The following LAMA2 variants were observed in gnomAD, a reference collection of about 807,000 sequenced individuals.
The protein encoded by LAMA2 is laminin subunit alpha-2.
Under a neutral mutation model 364.8 loss-of-function variants are expected in LAMA2, and 269 were observed. The observed-to-expected ratio is 0.74, with a 90% CI of 0.67 to 0.82. The LOEUF (loss-of-function observed/expected upper bound fraction) is 0.82, where lower values mean the gene tolerates loss of function less well. Among genes scored for constraint, LAMA2 ranks in the 40% least tolerant of loss-of-function variants. The pLI is 0.00. For missense variants in LAMA2, 3,807 were observed against 3,873.2 expected, an observed-to-expected ratio of 0.98 and a Z score of 0.45; for synonymous variants, 1,379 against 1,370.6, an observed-to-expected ratio of 1.01 and a Z score of -0.14.
chr6:129,227,328 A>G (rs1346329862), intron 12 of LAMA2, among the ~76,000 whole-genome samples: 2 of 151,816 alleles, frequency 1.3e-5, no homozygotes, highest in Admixed American at 6.6e-5. Context: ...TCTTCTCTCA[A>G]CTCCTCAAAG....
intron 11 of LAMA2, among the ~76,000 whole-genome samples, chr6:129,190,937 C>G (rs1028834718): frequency 1.3e-5 from 2 of 152,162 alleles, no homozygotes; most frequent in African/African-American, 2.4e-5. Context: ...TCACTGCCTA[C>G]ACTACCCACT....
chr6:129,213,060 C>T lies in LAMA2; in HGVS notation c.1782+20207C>T, dbSNP rs183211123. On this transcript the variant is annotated intron_variant, in intron 12 of 64. Transcript: ENST00000421865. ...CAGAAGTGACAAAAGTGGGGTTGAC[C>T]ATTTTCTTCTTCGCTGTCTCCATGA... Among the ~76,000 whole-genome samples the T allele has an allele frequency of 8.9e-4, 135 of 152,232 alleles. 1 individual carries two copies. Among genetic ancestry groups the T allele is most frequent in the Non-Finnish European group, 9.1e-4 (62 of 67,984 alleles).
chr6:128,902,908 A>T (rs1015411930), intron 1 of LAMA2, among the ~76,000 whole-genome samples: 5 of 152,166 alleles, frequency 3.3e-5, no homozygotes, highest in Non-Finnish European at 7.4e-5. Flanking sequence ...TGTGTTTAAA[A>T]TAATTCTTAC....
intron 4 of LAMA2, among the ~76,000 whole-genome samples, chr6:129,142,420 C>T (rs902687519): frequency 5.9e-5 from 9 of 151,916 alleles, no homozygotes; most frequent in Admixed American, 2.0e-4. Flanking sequence ...TTTATTAGGT[C>T]ACTAATCTCA....
At chr6:129,279,798 A>G (rs897390138) in intron 17 of LAMA2, among the ~76,000 whole-genome samples, 1 of 152,184 alleles carries the variant, frequency 6.6e-6, no homozygotes, top group African/African-American at 2.4e-5. Flanking sequence ...GTTACTGATG[A>G]TCACTACTCA....
At chr6:129,126,696 T>TA (rs113600301) in intron 4 of LAMA2, among the ~76,000 whole-genome samples, 1 of 151,982 alleles carries the variant, frequency 6.6e-6, no homozygotes, top group Non-Finnish European at 1.5e-5. Flanking sequence ...ATACAAATTT[T>TA]AAAAAAAATA....
chr6:129,489,455 G>A (rs974220368), intron 56 of LAMA2, among the ~76,000 whole-genome samples: 13 of 152,258 alleles, frequency 8.5e-5, no homozygotes, highest in Admixed American at 4.6e-4. Context: ...TTTGTCCTCT[G>A]ATCCTTCTCC....
chr6:129,183,159 A>G (rs1467053841), intron 10 of LAMA2, among the ~76,000 whole-genome samples: 1 of 151,990 alleles, frequency 6.6e-6, no homozygotes, highest in Non-Finnish European at 1.5e-5. Context: ...CACGAATTAC[A>G]AGAGGCAAGT....
rs534499443 is a variant in LAMA2 at position 128,921,037 on chromosome 6, G to A, written c.112+37680G>A. ...CTATTGCTTGCACTTATCTTAGCAG[G>A]GGCACTTAAAAAGCCTGAAACGCGT... On this transcript the variant is annotated intron_variant, in intron 1 of 64. Transcript: ENST00000421865. Among the ~76,000 whole-genome samples the A allele has an allele frequency of 7.9e-5, 12 of 152,100 alleles. No homozygotes were observed. The South Asian group carries it at 1.0e-3, about 13-fold the overall frequency.
At position 129,210,690 on chromosome 6, in the gene LAMA2, A is replaced by G. The variant is rs1583259391; in HGVS notation, c.1782+17837A>G. Among the ~76,000 whole-genome samples, 4 of 152,196 alleles carry G rather than the reference A, an allele frequency of 2.6e-5. No individual in the cohort carries two copies. In the East Asian group the frequency reaches 7.7e-4, roughly 29 times the overall value. ...ACACAGGTAAGACCCTTAACTTCAC[A>G]GGGCCTGTTGGGAAGAGGTTATAAT... On this transcript the variant is annotated intron_variant, in intron 12 of 64. Transcript: ENST00000421865.
At chr6:129,179,531 A>G (rs1258815316) in intron 10 of LAMA2, among the ~76,000 whole-genome samples, 1 of 152,172 alleles carries the variant, frequency 6.6e-6, no homozygotes, top group Non-Finnish European at 1.5e-5. Flanking sequence ...AAGCCCCTTG[A>G]GCTACTTACT....
intron 1 of LAMA2, among the ~76,000 whole-genome samples, chr6:128,932,958 A>G (rs1582710805): frequency 6.6e-6 from 1 of 152,278 alleles, no homozygotes; most frequent in East Asian, 1.9e-4. Flanking sequence ...TTCATCTTAT[A>G]ACTGAAACTG....
chr6:129,072,905 GT>G lies in LAMA2; in HGVS notation c.396+13013del, dbSNP rs200467477. ...TAATTGTTACCATCATAAACATGCA[GT>G]TTTCATCTAATTTTAAACACCTTTA... On this transcript the variant is annotated intron_variant, in intron 3 of 64. Coordinates refer to ENST00000421865, the MANE Select transcript of LAMA2 (RefSeq NM_000426.4). Among the ~76,000 whole-genome samples, 1,024 of 152,010 alleles carry G rather than the reference GT, an allele frequency of 6.7e-3. 7 individuals carry two copies. Among genetic ancestry groups the G allele is most frequent in the African/African-American group, 0.023 (968 of 41,484 alleles).
At chr6:129,401,986 C>A (rs4897311) in intron 38 of LAMA2, among the ~76,000 whole-genome samples, 1 of 151,808 alleles carries the variant, frequency 6.6e-6, no homozygotes, top group African/African-American at 2.4e-5. Flanking sequence ...GGTGGGCAGA[C>A]TGCCTGAGCT....
intron 59 of LAMA2, 99 bp from the exon 60 acceptor site, chr6:129,502,992 T>C: frequency 8.4e-7 from 1 of 1,187,250 alleles, no homozygotes; most frequent in Non-Finnish European, 1.3e-6. Context: ...AAGGTTTTAC[T>C]CTCCTTTATG....
At chr6:128,945,173 G>T (rs182854132) in intron 1 of LAMA2, among the ~76,000 whole-genome samples, 16 of 152,316 alleles carry the variant, frequency 1.1e-4, no homozygotes, top group African/African-American at 3.8e-4. Context: ...GTATAGTCAT[G>T]AGTGTGCCTC....
intron 1 of LAMA2, among the ~76,000 whole-genome samples, chr6:128,890,921 A>G (rs1259654886): frequency 1.3e-5 from 2 of 152,108 alleles, no homozygotes; most frequent in African/African-American, 4.8e-5. Context: ...AAACCTTGAC[A>G]TCTTCATAAA....
chr6:129,453,707 A>G (rs1782805246), intron 46 of LAMA2, among the ~76,000 whole-genome samples: 1 of 152,158 alleles, frequency 6.6e-6, no homozygotes, highest in Non-Finnish European at 1.5e-5. Context: ...TTAACAAATC[A>G]TTCATGGCAT....
chr6:129,369,811 A>T, intron 33 of LAMA2, 81 bp from the exon 34 acceptor site: 1 of 1,197,538 alleles, frequency 8.4e-7, no homozygotes, highest in Non-Finnish European at 1.2e-6. Flanking sequence ...AGTTCCTTTT[A>T]TATACAAAAA....
Sources: gnomAD v4.1 joint callset for allele counts (sites outside exome capture counted in the v4.1 genomes callset) on GRCh38, gnomAD v4.1.1 for gene constraint, MANE v1.5 for transcripts, NCBI Gene and HGNC (gene_info 2026-07-23, HGNC 2026-07-21) for gene names.